ALG14: variants seen among roughly 807,000 people sequenced by gnomAD.
The protein encoded by ALG14 is UDP-N-acetylglucosamine transferase subunit ALG14.
Under a neutral mutation model 22.8 loss-of-function variants are expected in ALG14, and 17 were observed. The ratio of observed to expected loss-of-function variants is 0.75; its 90% confidence interval spans 0.51 to 1.12. The LOEUF (loss-of-function observed/expected upper bound fraction) is 1.12, where lower values mean the gene tolerates loss of function less well. Ranked by LOEUF, ALG14 falls within the 50% of genes most tolerant of loss-of-function variation. ALG14 has a pLI of 0.00. For missense variants in ALG14, 288 were observed against 271.8 expected, an observed-to-expected ratio of 1.06 and a Z score of -0.42; for synonymous variants, 89 against 103.7, an observed-to-expected ratio of 0.86 and a Z score of 0.86.
chr1:95,055,897 C>T (rs1346156843), intron 2 of ALG14, among the ~76,000 whole-genome samples: 3 of 142,246 alleles, frequency 2.1e-5, no homozygotes, highest in Non-Finnish European at 4.5e-5. Flanking sequence ...GTAGTCCCAG[C>T]TACTTGGGAG....
At chr1:95,064,772 G>C in intron 2 of ALG14, 94 bp downstream of exon 2, 1 of 1,128,394 alleles carries the variant, frequency 8.9e-7, no homozygotes, top group Non-Finnish European at 1.2e-6. Context: ...GCCCATTGTG[G>C]GTAGGGCACT....
chr1:95,048,595 G>A (rs892179259), intron 2 of ALG14, among the ~76,000 whole-genome samples: 23 of 152,110 alleles, frequency 1.5e-4, no homozygotes, highest in African/African-American at 1.2e-4. Context: ...CAGGAAGAAC[G>A]TTCTGATTTG....
chr1:95,018,736 A>C (rs2100759239), intron 3 of ALG14, among the ~76,000 whole-genome samples: 1 of 152,130 alleles, frequency 6.6e-6, no homozygotes. Flanking sequence ...TCTTTAATAG[A>C]AGTGACCAGT....
At chr1:95,066,726 A>T (rs1675381679) in intron 1 of ALG14, among the ~76,000 whole-genome samples, 1 of 152,112 alleles carries the variant, frequency 6.6e-6, no homozygotes, top group Admixed American at 6.6e-5. Context: ...TCTTTGGTTT[A>T]GCCTCGAAAA....
At chr1:95,028,670 A>G (rs77786276) in intron 2 of ALG14, among the ~76,000 whole-genome samples, 1 of 151,778 alleles carries the variant, frequency 6.6e-6, no homozygotes, top group Non-Finnish European at 1.5e-5. Context: ...AATACAAAAA[A>G]TAGCTGTAGT....
In ALG14 at chr1:94,981,297, T is replaced by C. The variant is rs1672487241; in HGVS notation, c.*1779A>G. On this transcript the variant is annotated 3_prime_UTR_variant, in exon 4 of 4. Coordinates refer to ENST00000370205, the MANE Select transcript of ALG14 (RefSeq NM_144988.4). Reference sequence around the variant, plus strand: ...AAATCAAAGCACAATGAACTATCATTTGGCTGCCCCAGGCCCACTAAATCC... The same window carrying C: ...AAATCAAAGCACAATGAACTATCATCTGGCTGCCCCAGGCCCACTAAATCC... The C allele has an allele frequency of 1.3e-5, 2 of 152,128 alleles. No individual in the cohort carries two copies. The highest frequency in any genetic ancestry group is 2.9e-5 in the Non-Finnish European group (2 of 68,036). 9.4% of individuals were successfully genotyped at this position (152,128 alleles called of 1,614,324 possible). A position where few individuals can be genotyped will look rare whatever the true frequency, so the allele number is the denominator to read the frequency against.
chr1:95,004,071 T>G (rs1390691077), intron 3 of ALG14, among the ~76,000 whole-genome samples: 1 of 152,114 alleles, frequency 6.6e-6, no homozygotes, highest in Admixed American at 6.5e-5. Context: ...CCCAATATCT[T>G]TATGAGGTGG....
At chr1:95,000,534 C>CT (rs1478648974) in intron 3 of ALG14, among the ~76,000 whole-genome samples, 2 of 87,968 alleles carry the variant, frequency 2.3e-5, no homozygotes, top group African/African-American at 1.0e-4. Context: ...AGACCCTGTC[C>CT]TAAAAAAAAA....
intron 3 of ALG14, among the ~76,000 whole-genome samples, chr1:94,991,292 G>T (rs906895985): frequency 6.6e-6 from 1 of 152,208 alleles, no homozygotes; most frequent in Non-Finnish European, 1.5e-5. Flanking sequence ...TACTTTCTGA[G>T]AAATGCATTA....
intron 2 of ALG14, among the ~76,000 whole-genome samples, chr1:95,034,152 C>T (rs941234072): frequency 6.6e-6 from 1 of 152,208 alleles, no homozygotes; most frequent in African/African-American, 2.4e-5. Flanking sequence ...TCACAGCTAG[C>T]TCCTTCCTGT....
chr1:95,026,695 G>A (rs1305442666), intron 3 of ALG14, among the ~76,000 whole-genome samples: 1 of 152,140 alleles, frequency 6.6e-6, no homozygotes, highest in African/African-American at 2.4e-5. Flanking sequence ...TTGGGAGGCC[G>A]AGGCGGGCAG....
At chr1:95,052,857 G>GAA (rs57458273) in intron 2 of ALG14, among the ~76,000 whole-genome samples, 1 of 119,486 alleles carries the variant, frequency 8.4e-6, no homozygotes, top group Non-Finnish European at 1.7e-5. Context: ...ACTGCATCTC[G>GAA]AAAAAAAAAA....
At chr1:95,042,501 C>T (rs1366490386) in intron 2 of ALG14, among the ~76,000 whole-genome samples, 1 of 152,178 alleles carries the variant, frequency 6.6e-6, no homozygotes, top group Non-Finnish European at 1.5e-5. Flanking sequence ...ACTGGAACTC[C>T]CTTCACTGCT....
chr1:95,044,881 T>TAA (rs539634021), intron 2 of ALG14, among the ~76,000 whole-genome samples: 2 of 151,258 alleles, frequency 1.3e-5, no homozygotes, highest in African/African-American at 4.9e-5. Context: ...TATTTTTTTT[T>TAA]TAAAAAAAGC....
At chr1:95,030,310 A>G (rs1557962494) in intron 2 of ALG14, among the ~76,000 whole-genome samples, 1 of 147,074 alleles carries the variant, frequency 6.8e-6, no homozygotes, top group South Asian at 2.2e-4. Flanking sequence ...GACAAACTGG[A>G]TTTTTTTTTT....
chr1:95,010,936 C>A (rs1413832138), intron 3 of ALG14, among the ~76,000 whole-genome samples: 1 of 152,084 alleles, frequency 6.6e-6, no homozygotes, highest in African/African-American at 2.4e-5. Context: ...ATAAGAACAA[C>A]CAAAGTTCTT....
chr1:95,056,531 GTGACTT>G (rs1416029437), intron 2 of ALG14, among the ~76,000 whole-genome samples: 3 of 151,998 alleles, frequency 2.0e-5, no homozygotes, highest in African/African-American at 7.2e-5. Context: ...CATAGTCCCA[GTGACTT>G]GGAAGGCTGA....
intron 3 of ALG14, 86 bp downstream of exon 3, chr1:95,027,043 G>T: frequency 6.7e-7 from 1 of 1,490,476 alleles, no homozygotes; most frequent in Non-Finnish European, 9.1e-7. Flanking sequence ...ATAAATGGTA[G>T]CTGTTTAAGA....
At chr1:95,014,840 GGC>G (rs1673458141) in intron 3 of ALG14, among the ~76,000 whole-genome samples, 1 of 152,058 alleles carries the variant, frequency 6.6e-6, no homozygotes, top group South Asian at 2.1e-4. Flanking sequence ...AATAGTTTCA[GGC>G]TATCTTAAGA....
Sources: gnomAD v4.1 joint callset for allele counts (sites outside exome capture counted in the v4.1 genomes callset) on GRCh38, gnomAD v4.1.1 for gene constraint, MANE v1.5 for transcripts, NCBI Gene and HGNC (gene_info 2026-07-23, HGNC 2026-07-21) for gene names.